The following MEF2A variants were observed in gnomAD, a reference collection of about 807,000 sequenced individuals.
The protein encoded by MEF2A is myocyte-specific enhancer factor 2A.
In MEF2A, 28 loss-of-function variants were observed where a neutral mutation model predicts 55.8. The observed-to-expected ratio is 0.50, with a 90% CI of 0.37 to 0.69. MEF2A has a LOEUF of 0.69. Among genes scored for constraint, MEF2A ranks in the 30% least tolerant of loss-of-function variants. The pLI, the probability that MEF2A is intolerant of heterozygous loss-of-function variation, is 0.00. For synonymous variants in MEF2A, 239 were observed against 227.1 expected, an observed-to-expected ratio of 1.05 and a Z score of -0.47; for missense variants, 528 against 626.2, an observed-to-expected ratio of 0.84 and a Z score of 1.67.
chr15:99,702,192 G>A (rs1048492044), intron 8 of MEF2A, among the ~76,000 whole-genome samples: 16 of 152,172 alleles, frequency 1.1e-4, no homozygotes, highest in African/African-American at 3.9e-4. Flanking sequence ...AGCAGTTGTA[G>A]ATCAAGTGAT....
chr15:99,675,365 T>G, intron 6 of MEF2A, 34 bp from the exon 7 acceptor site: 1 of 1,585,156 alleles, frequency 6.3e-7, no homozygotes, highest in Non-Finnish European at 8.7e-7. Flanking sequence ...ATATTCATTC[T>G]CTGCCCTCTG....
intron 8 of MEF2A, among the ~76,000 whole-genome samples, chr15:99,700,253 C>G (rs1327885115): frequency 7.1e-6 from 1 of 141,220 alleles, no homozygotes; most frequent in African/African-American, 2.6e-5. Flanking sequence ...GTGGCTCGTG[C>G]CTGTAATCCC....
In MEF2A at chr15:99,609,686, CATCTT is replaced by C. The variant is rs150058246; in HGVS notation, c.-143+11177_-143+11181del. On this transcript the variant is annotated intron_variant, in intron 2 of 11. Coordinates refer to ENST00000557942, the MANE Select transcript of MEF2A (RefSeq NM_001319206.4). ...ATTTAATTGTAAACATTAATTAAAA[CATCTT>C]AGTTTAGTGGGAACAAAGAAAAATT... is the stretch of plus-strand genomic sequence containing the variant. Among the ~76,000 whole-genome samples, 1,470 of 152,146 alleles carry C rather than the reference CATCTT, an allele frequency of 9.7e-3. 20 individuals carry two copies. The highest frequency in any genetic ancestry group is 0.032 in the African/African-American group (1,322 of 41,494).
At chr15:99,663,975 A>G (rs528193162) in intron 4 of MEF2A, among the ~76,000 whole-genome samples, 2 of 152,310 alleles carry the variant, frequency 1.3e-5, no homozygotes, top group South Asian at 4.1e-4. Flanking sequence ...TTTGAAAGGT[A>G]AGGTTGTCAG....
rs759137356 is a variant in MEF2A at position 99,712,465 on chromosome 15, G to C, written c.1212G>C (p.Pro404=). Residue 404 remains proline (P), a synonymous_variant, in exon 12 of 12, where the codon CCG becomes CCC. Coordinates refer to ENST00000557942, the MANE Select transcript of MEF2A (RefSeq NM_001319206.4). This position sits in a 1 kb window ranked among gnomAD's most constrained non-coding sequence, Gnocchi z 4.1. ...TNQNISIKSE[P]ISPPRDRMTP... ...AAAACATCAGCATCAAGTCCGAACC[G>C]ATTTCACCTCCTCGGGATCGTATGA... is the stretch of plus-strand genomic sequence containing the variant. The C allele has an allele frequency of 1.5e-5, 24 of 1,551,400 alleles. No homozygotes were observed. Among genetic ancestry groups the C allele is most frequent in the Non-Finnish European group, 2.0e-5 (23 of 1,146,916 alleles).
chr15:99,589,692 C>T (rs551674303), intron 1 of MEF2A, among the ~76,000 whole-genome samples: 1 of 151,922 alleles, frequency 6.6e-6, no homozygotes, highest in African/African-American at 2.4e-5. Context: ...CATGTTTTTG[C>T]CATTTAGTTC....
chr15:99,653,583 G>T (rs1318884429), intron 4 of MEF2A, among the ~76,000 whole-genome samples: 1 of 151,964 alleles, frequency 6.6e-6, no homozygotes, highest in African/African-American at 2.4e-5. Context: ...GTATGCTAAG[G>T]GTATTTTATA....
chr15:99,656,312 T>C (rs1249095336), intron 4 of MEF2A, among the ~76,000 whole-genome samples: 1 of 152,128 alleles, frequency 6.6e-6, no homozygotes, highest in African/African-American at 2.4e-5. Flanking sequence ...GTAAATGTAC[T>C]TAAAAAGATA....
chr15:99,602,653 G>GGTGGGTGTGTGTGTGT (rs1555454714), intron 2 of MEF2A, among the ~76,000 whole-genome samples: 4 of 44,870 alleles, frequency 8.9e-5, no homozygotes, highest in South Asian at 1.2e-3. Flanking sequence ...ACATTCCTGG[G>GGTGGGTGTGTGTGTGT]GTGTGTGTGT....
At chr15:99,702,004 AATGTGTCGT>A (rs1364883946) in intron 8 of MEF2A, among the ~76,000 whole-genome samples, 12 of 152,208 alleles carry the variant, frequency 7.9e-5, no homozygotes, top group Non-Finnish European at 1.5e-4. Flanking sequence ...GAAAACTCAA[AATGTGTCGT>A]ATGAACTATT....
At chr15:99,583,089 A>G (rs1966404763) in intron 1 of MEF2A, among the ~76,000 whole-genome samples, 1 of 152,134 alleles carries the variant, frequency 6.6e-6, no homozygotes, top group Non-Finnish European at 1.5e-5. Context: ...CCAAGTTGTT[A>G]TGTTCATCTG....
At chr15:99,642,767 G>A (rs936508113) in intron 3 of MEF2A, among the ~76,000 whole-genome samples, 1 of 152,192 alleles carries the variant, frequency 6.6e-6, no homozygotes, top group Admixed American at 6.5e-5. Flanking sequence ...ACTAATCAGA[G>A]GATCCTCTCA....
intron 3 of MEF2A, among the ~76,000 whole-genome samples, chr15:99,639,062 T>G (rs868853639): frequency 5.9e-5 from 9 of 152,198 alleles, no homozygotes; most frequent in Non-Finnish European, 8.8e-5. Flanking sequence ...GAAAGCAGTT[T>G]AAAAATAAAA....
At chr15:99,648,013 C>A (rs2046256968) in intron 4 of MEF2A, among the ~76,000 whole-genome samples, 1 of 152,124 alleles carries the variant, frequency 6.6e-6, no homozygotes, top group African/African-American at 2.4e-5. Context: ...CATACGAGTT[C>A]TTTTTGCCAG....
intron 7 of MEF2A, among the ~76,000 whole-genome samples, chr15:99,684,079 A>G (rs1437853146): frequency 6.6e-6 from 1 of 152,104 alleles, no homozygotes; most frequent in East Asian, 1.9e-4. Flanking sequence ...TGGTGTACAT[A>G]TATGTATATA....
At chr15:99,711,519 G>C (rs1293624584) in intron 11 of MEF2A, among the ~76,000 whole-genome samples, 1 of 152,210 alleles carries the variant, frequency 6.6e-6, no homozygotes, top group Non-Finnish European at 1.5e-5. Context: ...GGAGCAGTTG[G>C]AGGAGAGTGT....
At chr15:99,589,915 CAT>C (rs1190808721) in intron 1 of MEF2A, among the ~76,000 whole-genome samples, 4 of 152,030 alleles carry the variant, frequency 2.6e-5, no homozygotes, top group Non-Finnish European at 4.4e-5. Context: ...TATGGTCCAG[CAT>C]ATGTTCTTTG....
chr15:99,616,077 C>A (rs1854482155), intron 2 of MEF2A, among the ~76,000 whole-genome samples: 1 of 152,004 alleles, frequency 6.6e-6, no homozygotes, highest in African/African-American at 2.4e-5. Context: ...TATATCAAGC[C>A]ACAGTCAGAC....
intron 5 of MEF2A, among the ~76,000 whole-genome samples, chr15:99,672,810 G>A (rs933185436): frequency 6.6e-6 from 1 of 152,134 alleles, no homozygotes; most frequent in Non-Finnish European, 1.5e-5. Flanking sequence ...ACTGAAGGAA[G>A]TTTTATACAA....
Sources: allele counts gnomAD v4.1 joint callset (sites outside exome capture counted in the v4.1 genomes callset), GRCh38; gene constraint gnomAD v4.1.1; non-coding constraint Gnocchi (gnomAD v3.1); transcripts MANE v1.5; gene names NCBI Gene and HGNC (gene_info 2026-07-23, HGNC 2026-07-21).